Variants in TENM3 observed in about 807,000 individuals in gnomAD.
The protein encoded by TENM3 is teneurin-3.
Under a neutral mutation model 255.1 loss-of-function variants are expected in TENM3, and 63 were observed. The observed-to-expected ratio is 0.25, with a 90% CI of 0.20 to 0.30. TENM3 has a LOEUF of 0.30. TENM3 is among the 10% of genes least tolerant of loss of function. TENM3 has a pLI of 1.00. For synonymous variants in TENM3, 1,306 were observed against 1,322.3 expected (o/e 0.99, Z 0.27); for missense variants, 2,929 against 3,461.1 (o/e 0.85, Z 3.86).
the TENM3 span, among the ~76,000 whole-genome samples, chr4:181,955,007 A>G: frequency 6.6e-6 from 1 of 152,194 alleles, no homozygotes; most frequent in South Asian, 2.1e-4. Context: ...CTTTTCTGAA[A>G]TTCAGTGGCC....
chr4:182,090,063 G>A, the TENM3 span, among the ~76,000 whole-genome samples: 16,266 of 152,084 alleles, frequency 0.11, 877 homozygotes, highest in Middle Eastern at 0.22. Context: ...GACTTTAAAA[G>A]GTTTAGTATC....
At chr4:181,954,803 C>T in the TENM3 span, among the ~76,000 whole-genome samples, 1 of 152,084 alleles carries the variant, frequency 6.6e-6, no homozygotes, top group Non-Finnish European at 1.5e-5. Context: ...TCTCTGTGTT[C>T]CTTCCAGAAA....
intron 1 of TENM3, among the ~76,000 whole-genome samples, chr4:182,281,772 G>A (rs564054890): frequency 6.6e-6 from 1 of 152,202 alleles, no homozygotes; most frequent in Non-Finnish European, 1.5e-5. Flanking sequence ...AAGTCTCACT[G>A]TTGCCCAGGA....
chr4:181,550,639 A>G, the TENM3 span, among the ~76,000 whole-genome samples: 1 of 152,236 alleles, frequency 6.6e-6, no homozygotes, highest in Non-Finnish European at 1.5e-5. Flanking sequence ...TGGTATGACC[A>G]CAAGGTTGCA....
chr4:182,484,704 G>A (rs1278855226), intron 3 of TENM3, among the ~76,000 whole-genome samples: 1 of 152,092 alleles, frequency 6.6e-6, no homozygotes, highest in Non-Finnish European at 1.5e-5. Flanking sequence ...ATTTCAAAAT[G>A]TATTAAAAGT....
At chr4:181,971,600 C>A in the TENM3 span, among the ~76,000 whole-genome samples, 2 of 151,772 alleles carry the variant, frequency 1.3e-5, no homozygotes, top group Non-Finnish European at 2.9e-5. Flanking sequence ...AGCGTCTCAC[C>A]CTGTCTCCCA....
intron 1 of TENM3, among the ~76,000 whole-genome samples, chr4:182,192,374 C>T (rs111847426): frequency 5.9e-5 from 9 of 152,312 alleles, no homozygotes; most frequent in African/African-American, 2.2e-4. Flanking sequence ...CTTTGTATCT[C>T]CCATTGCCCT....
chr4:181,882,740 G>A, the TENM3 span, among the ~76,000 whole-genome samples: 1 of 152,184 alleles, frequency 6.6e-6, no homozygotes, highest in Admixed American at 6.5e-5. Flanking sequence ...AAGGACTTCA[G>A]TAATAATTCC....
rs570203535 is a variant in TENM3, at chr4:182,690,720, C to T, written c.2221+2369C>T. On this transcript the variant is annotated intron_variant, in intron 12 of 27. Transcript: ENST00000511685. ...CAACAAATCATTTTAGTGTTGTTCT[C>T]AGTGGCCTTGGTATTATTACATGGA... 3.9e-5 allele frequency among the ~76,000 whole-genome samples: 6 copies of T among 152,310 alleles called. No homozygotes were observed. In the East Asian group the frequency reaches 1.2e-3, roughly 29 times the overall value.
the TENM3 span, among the ~76,000 whole-genome samples, chr4:182,055,030 GTA>G: frequency 3.9e-5 from 6 of 152,142 alleles, no homozygotes; most frequent in Non-Finnish European, 5.9e-5. Context: ...CCAGTTGGAA[GTA>G]ACATTTACTT....
At chr4:182,356,597 A>G (rs1246283507) in intron 3 of TENM3, among the ~76,000 whole-genome samples, 1 of 152,162 alleles carries the variant, frequency 6.6e-6, no homozygotes, top group African/African-American at 2.4e-5. Flanking sequence ...GAGGCGATTG[A>G]GGGAAAATGA....
the TENM3 span, among the ~76,000 whole-genome samples, chr4:181,506,222 TC>T: frequency 6.6e-6 from 1 of 152,190 alleles, no homozygotes; most frequent in Non-Finnish European, 1.5e-5. Context: ...CTTTGTACTC[TC>T]ATCCTGCCAG....
intron 3 of TENM3, among the ~76,000 whole-genome samples, chr4:182,396,466 A>G (rs1471822699): frequency 6.6e-6 from 1 of 152,222 alleles, no homozygotes; most frequent in Non-Finnish European, 1.5e-5. Context: ...TGATTCTTAA[A>G]TAAAACAACA....
intron 4 of TENM3, among the ~76,000 whole-genome samples, chr4:182,620,716 A>G (rs892641820): frequency 6.6e-6 from 1 of 152,054 alleles, no homozygotes; most frequent in African/African-American, 2.4e-5. Context: ...AAGACTGGTG[A>G]TTTTATTTTT....
In TENM3 at chr4:182,801,062, C is replaced by T. The variant is rs1266198993; in HGVS notation, c.*711C>T. The stretch of plus-strand genomic sequence containing the variant: ...AATTTACTGTACATCAAATCTTAGT[C>T]TCAGAGGAGTTAATTTATGTAAAGT... On this transcript the variant is annotated 3_prime_UTR_variant, in exon 28 of 28. Coordinates refer to ENST00000511685, the MANE Select transcript of TENM3 (RefSeq NM_001080477.4). 1 of 152,520 alleles carries T rather than the reference C, an allele frequency of 6.6e-6. No individual in the cohort carries two copies. The highest frequency in any genetic ancestry group is 1.5e-5 in the Non-Finnish European group (1 of 68,034). 9.4% of individuals were successfully genotyped at this position (152,520 alleles called of 1,614,324 possible). A position where few individuals can be genotyped will look rare whatever the true frequency, so the allele number is the denominator to read the frequency against.
At chr4:181,724,392 T>C in the TENM3 span, among the ~76,000 whole-genome samples, 1 of 152,152 alleles carries the variant, frequency 6.6e-6, no homozygotes, top group South Asian at 2.1e-4. Context: ...GGACTAGTTC[T>C]CTAAGTATTC....
chr4:182,625,485 C>T (rs558061544), intron 4 of TENM3, among the ~76,000 whole-genome samples: 1 of 152,278 alleles, frequency 6.6e-6, no homozygotes, highest in South Asian at 2.1e-4. Context: ...CCATCCTCCC[C>T]ACCCCCCTAT....
At chr4:182,278,094 C>T (rs192363980) in intron 1 of TENM3, among the ~76,000 whole-genome samples, 20 of 152,256 alleles carry the variant, frequency 1.3e-4, no homozygotes, top group Admixed American at 2.6e-4. Flanking sequence ...CAGCCAGGCA[C>T]GGTGGCTCAC....
the TENM3 span, among the ~76,000 whole-genome samples, chr4:181,847,027 G>A: frequency 1.3e-5 from 2 of 152,310 alleles, no homozygotes; most frequent in East Asian, 1.9e-4. Context: ...CCAAAGTGTG[G>A]CAACGGTGGG....
Sources: gnomAD v4.1 joint callset for allele counts (sites outside exome capture counted in the v4.1 genomes callset) on GRCh38, gnomAD v4.1.1 for gene constraint, MANE v1.5 for transcripts, NCBI Gene and HGNC (gene_info 2026-07-23, HGNC 2026-07-21) for gene names.